The following GNPTAB variants were observed in gnomAD, a reference collection of about 807,000 sequenced individuals.
The protein encoded by GNPTAB is N-acetylglucosamine-1-phosphotransferase subunits alpha/beta.
Under a neutral mutation model 136.6 loss-of-function variants are expected in GNPTAB, and 92 were observed. The ratio of observed to expected loss-of-function variants is 0.67; its 90% confidence interval spans 0.57 to 0.80. The LOEUF (loss-of-function observed/expected upper bound fraction) is 0.80, where lower values mean the gene tolerates loss of function less well. Ranked by LOEUF, GNPTAB falls within the 30% of genes least tolerant of loss-of-function variation. The pLI is 0.00. For synonymous variants in GNPTAB, 512 were observed against 535.1 expected (o/e 0.96, Z 0.60); for missense variants, 1,343 against 1,501.8 (o/e 0.89, Z 1.75).
intron 12 of GNPTAB, 90 bp from the exon 13 acceptor site, chr12:101,765,394 T>C (rs1953075216): frequency 1.1e-6 from 1 of 909,444 alleles, no homozygotes; most frequent in Non-Finnish European, 1.8e-6. Context: ...GTTTTCACTT[T>C]CTTTTAAAAA....
At position 101,757,595 on chromosome 12, in the gene GNPTAB, T is replaced by C. The variant is rs1952922219; in HGVS notation, c.3312A>G (p.Ala1104=). Residue 1104 remains alanine (A), a synonymous_variant, in exon 17 of 21, where the codon GCA becomes GCG. Transcript: ENST00000299314. ...CKPVTDKIHK[A]YKDKNKYRFE... is the part of the protein sequence containing the mutation. ...ACCTATATTTGTTTTTGTCCTTATA[T>C]GCTTTGTGGATTTTGTCAGTTACTG... 2.3e-5 allele frequency: 36 copies of C among 1,564,968 alleles called. No homozygotes were observed. Among genetic ancestry groups the C allele is most frequent in the Non-Finnish European group, 3.2e-5 (36 of 1,135,554 alleles).
intron 1 of GNPTAB, among the ~76,000 whole-genome samples, chr12:101,823,066 A>G (rs1411541841): frequency 6.6e-6 from 1 of 152,234 alleles, no homozygotes; most frequent in African/African-American, 2.4e-5. Flanking sequence ...CTCTATAAGC[A>G]TAACTGGGAC....
In GNPTAB at chr12:101,759,897, A is replaced by C; in HGVS notation, c.3249+133T>G. ...ATGAATGATTCGGATTACCTGTGCT[A>C]CTGTTTTGCAACAAAGACATATAAA... On this transcript the variant is annotated intron_variant, in intron 16 of 20. Coordinates refer to ENST00000299314, the MANE Select transcript of GNPTAB (RefSeq NM_024312.5). 8.5e-6 allele frequency: 6 copies of C among 703,168 alleles called. No individual in the cohort carries two copies. In the South Asian group the frequency reaches 9.0e-5, roughly 10 times the overall value. The allele number at this position is 703,168 out of a possible 1,614,324, so 43.6% of individuals were successfully genotyped here.
chr12:101,766,240 C>G lies in GNPTAB; in HGVS notation c.1463G>C (p.Gly488Ala). 1 of 1,614,146 alleles carries G rather than the reference C, an allele frequency of 6.2e-7. No individual in the cohort carries two copies. The highest frequency in any genetic ancestry group is 8.5e-7 in the Non-Finnish European group (1 of 1,179,998). Residue 488 changes from glycine (G) to alanine (A), a missense_variant, in exon 12 of 21, where the codon GGA (glycine) becomes GCA (alanine). Coordinates refer to ENST00000299314, the MANE Select transcript of GNPTAB (RefSeq NM_024312.5). The part of the protein sequence containing the change: ...IAGGGGTGSI[G>A]VGQPWQFGGG... Reference sequence around the variant, plus strand: ...ACCAAACTGCCAGGGCTGTCCAACTCCAATACTCCCAGTACCTCCACCTCC... The same window carrying G: ...ACCAAACTGCCAGGGCTGTCCAACTGCAATACTCCCAGTACCTCCACCTCC...
chr12:101,751,493 A>G (rs965865659), intron 19 of GNPTAB, among the ~76,000 whole-genome samples: 6 of 152,220 alleles, frequency 3.9e-5, no homozygotes, highest in Admixed American at 3.9e-4. Flanking sequence ...AAATCTTCCT[A>G]AACTGAAAGA....
chr12:101,761,205 T>C lies in GNPTAB; in HGVS notation c.3057A>G (p.Thr1019=), dbSNP rs2137111999. The change falls in exon 15 of 21, where the codon ACA becomes ACG. Residue 1019 remains threonine, a synonymous_variant. Transcript: ENST00000299314. The part of the protein sequence containing the change: ...NISQVFDEVD[T]DQSGVLSDRE... ...TGTCAGACAAGACACCAGATTGATCTGTATCAACTTCATCAAAGACTTGAG... is the reference window on the plus strand; with the variant it reads ...TGTCAGACAAGACACCAGATTGATCCGTATCAACTTCATCAAAGACTTGAG... The C allele has an allele frequency of 6.2e-7, 1 of 1,614,110 alleles. No individual in the cohort carries two copies. The highest frequency in any genetic ancestry group is 8.5e-7 in the Non-Finnish European group (1 of 1,179,922).
intron 1 of GNPTAB, among the ~76,000 whole-genome samples, chr12:101,818,864 A>C (rs1870653581): frequency 6.6e-6 from 1 of 152,194 alleles, no homozygotes; most frequent in Non-Finnish European, 1.5e-5. Context: ...AAGTCTCACA[A>C]GATCTGATGG....
rs775279353 is a variant in GNPTAB at position 101,768,184 on chromosome 12, T to A, written c.1285-24A>T. The A allele has an allele frequency of 3.1e-6, 5 of 1,613,024 alleles. No individual in the cohort carries two copies. In the Admixed American group the frequency reaches 8.3e-5, roughly 27 times the overall value. On this transcript the variant is annotated intron_variant, in intron 10 of 20. Coordinates refer to ENST00000299314, the MANE Select transcript of GNPTAB (RefSeq NM_024312.5). ...ACCTACGATAAAACCAAAGAGAAAA[T>A]AAAATGACTTCTGGCTTCTGATACA...
At chr12:101,750,103 T>C (rs1952794488) in intron 19 of GNPTAB, among the ~76,000 whole-genome samples, 1 of 152,164 alleles carries the variant, frequency 6.6e-6, no homozygotes, top group South Asian at 2.1e-4. Flanking sequence ...TAGAATCAAC[T>C]GGACCTGGAG....
chr12:101,764,228 T>C lies in GNPTAB; in HGVS notation c.2689A>G (p.Lys897Glu), dbSNP rs1953049051. 2 of 1,614,158 alleles carry C rather than the reference T, an allele frequency of 1.2e-6. No homozygotes were observed. The highest frequency in any genetic ancestry group is 8.5e-7 in the Non-Finnish European group (1 of 1,180,018). Reference protein sequence around the residue: ...SYLGFLPWEKKKYFQDLLDEE... With the variant: ...SYLGFLPWEKEKYFQDLLDEE... Reference sequence around the variant, plus strand: ...TCGAGAAGATCTTGGAAATACTTTTTTTTCTCCCATGGCAAAAAGCCCAAG... The same window carrying C: ...TCGAGAAGATCTTGGAAATACTTTTCTTTCTCCCATGGCAAAAAGCCCAAG... The change falls in exon 13 of 21, where the codon AAA becomes GAA. Residue 897 changes from lysine (K) to glutamate (E), a missense_variant. Transcript: ENST00000299314.
intron 3 of GNPTAB, among the ~76,000 whole-genome samples, chr12:101,789,635 C>T (rs922375707): frequency 5.3e-5 from 8 of 152,162 alleles, no homozygotes; most frequent in Non-Finnish European, 7.3e-5. Flanking sequence ...CAGGCGTGCA[C>T]CATCACGCCC....
At chr12:101,828,575 C>T (rs1433224367) in intron 1 of GNPTAB, among the ~76,000 whole-genome samples, 1 of 151,648 alleles carries the variant, frequency 6.6e-6, no homozygotes, top group Non-Finnish European at 1.5e-5. Flanking sequence ...ATGAGAATCA[C>T]GTGAACCCAG....
intron 1 of GNPTAB, among the ~76,000 whole-genome samples, chr12:101,814,054 G>C (rs1338279117): frequency 6.7e-6 from 1 of 149,770 alleles, no homozygotes; most frequent in East Asian, 1.9e-4. Flanking sequence ...ACTCCAGTCT[G>C]GGCAACAGAG....
Position 101,771,095 on chromosome 12 carries a change from T to C in GNPTAB, c.834A>G (p.Gln278=). ...TCTTCTTAGTTTGCTTATTCAATTC[T>C]TGAAAATCCTTGGGGTTATTCAGTT... ...LLKLNNPKDF[Q]ELNKQTKKNM... is the part of the protein sequence containing the mutation. Residue 278 remains glutamine (Q), a synonymous_variant, in exon 8 of 21, where the codon CAA becomes CAG. Transcript: ENST00000299314. The C allele has an allele frequency of 6.2e-7, 1 of 1,613,820 alleles. No homozygotes were observed. The highest frequency in any genetic ancestry group is 8.5e-7 in the Non-Finnish European group (1 of 1,179,714).
chr12:101,805,413 G>C (rs1869880081), intron 1 of GNPTAB, among the ~76,000 whole-genome samples: 1 of 152,112 alleles, frequency 6.6e-6, no homozygotes, highest in Non-Finnish European at 1.5e-5. Flanking sequence ...TTTGAGACAG[G>C]GTCTTGCTTT....
intron 16 of GNPTAB, among the ~76,000 whole-genome samples, chr12:101,758,213 AT>A (rs1952932425): frequency 6.6e-6 from 1 of 152,056 alleles, no homozygotes; most frequent in African/African-American, 2.4e-5. Flanking sequence ...TCATTTTTGT[AT>A]TTTTAGTAGA....
rs1294265984 is a variant in GNPTAB at position 101,764,367 on chromosome 12, C to G, written c.2550G>C (p.Lys850Asn). The change falls in exon 13 of 21, where the codon AAG (lysine) becomes AAC (asparagine). Residue 850 changes from lysine (K) to asparagine (N), a missense_variant. Physicochemically the swap from Lys to Asn is moderately conservative, Grantham distance 94. Coordinates refer to ENST00000299314, the MANE Select transcript of GNPTAB (RefSeq NM_024312.5). The part of the protein sequence containing the change: ...VPLESQMTKE[K>N]KITGKEKENS... Reference sequence around the variant, plus strand: ...TCTCTTTTTCTTTCCCTGTGATTTTCTTTTCTTTTGTCATCTGGCTTTCCA... The same window carrying G: ...TCTCTTTTTCTTTCCCTGTGATTTTGTTTTCTTTTGTCATCTGGCTTTCCA... The G allele has an allele frequency of 1.2e-6, 2 of 1,613,888 alleles. No individual in the cohort carries two copies. The highest frequency in any genetic ancestry group is 1.7e-6 in the Non-Finnish European group (2 of 1,179,982).
chr12:101,763,221 CAA>C (rs754822672), intron 13 of GNPTAB, among the ~76,000 whole-genome samples: 8 of 59,846 alleles, frequency 1.3e-4, no homozygotes, highest in Non-Finnish European at 1.7e-4. Flanking sequence ...AACTCCATCT[CAA>C]AAAAAAAAAA....
chr12:101,781,220 A>C (rs1038567680), intron 5 of GNPTAB, among the ~76,000 whole-genome samples: 4 of 152,210 alleles, frequency 2.6e-5, no homozygotes, highest in African/African-American at 9.7e-5. Context: ...GACAAGTGAG[A>C]TCAACAAACT....
Sources: gnomAD v4.1 joint callset for allele counts (sites outside exome capture counted in the v4.1 genomes callset) on GRCh38, gnomAD v4.1.1 for gene constraint, MANE v1.5 for transcripts, NCBI Gene and HGNC (gene_info 2026-07-23, HGNC 2026-07-21) for gene names.